The following WDR27 variants were observed in gnomAD, a reference collection of about 807,000 sequenced individuals.
WDR27 encodes the protein WD repeat-containing protein 27.
A neutral mutation model predicts 114.4 loss-of-function variants in WDR27; 100 were observed. The observed-to-expected ratio is 0.87, with a 90% CI of 0.74 to 1.03. The LOEUF (loss-of-function observed/expected upper bound fraction) is 1.03. WDR27 is among the 50% of genes least tolerant of loss of function. The pLI, the probability that WDR27 is intolerant of heterozygous loss-of-function variation, is 0.00. For missense variants in WDR27, 1,129 were observed against 1,092.9 expected, an observed-to-expected ratio of 1.03 and a Z score of -0.47; for synonymous variants, 449 against 423.1, an observed-to-expected ratio of 1.06 and a Z score of -0.75.
In WDR27 at chr6:169,489,963, C is replaced by A. The variant is rs570040008; in HGVS notation, c.2646-32329G>T. 1.5e-4 allele frequency among the ~76,000 whole-genome samples: 23 copies of A among 152,334 alleles called. No homozygotes were observed. In the South Asian group the frequency reaches 4.6e-3, roughly 30 times the overall value. On this transcript the variant is annotated intron_variant, in intron 25 of 25. Transcript: ENST00000448612. ...TCACAAACTACATTCTAAGCAACTTCTCTGCCCTGGGTGTGCAGGGCATTC... is the reference window on the plus strand; with the variant it reads ...TCACAAACTACATTCTAAGCAACTTATCTGCCCTGGGTGTGCAGGGCATTC...
intron 25 of WDR27, among the ~76,000 whole-genome samples, chr6:169,519,911 C>T (rs1794154015): frequency 6.6e-6 from 1 of 151,968 alleles, no homozygotes; most frequent in Non-Finnish European, 1.5e-5. Context: ...GGAAAATCTC[C>T]CCCCAACTCA....
chr6:169,574,744 C>A (rs1801974436), intron 24 of WDR27, among the ~76,000 whole-genome samples: 1 of 152,186 alleles, frequency 6.6e-6, no homozygotes, highest in Non-Finnish European at 1.5e-5. Context: ...AGTGCTCTCA[C>A]CCTCAGTCCC....
chr6:169,604,673 T>C (rs1316585001), intron 22 of WDR27, among the ~76,000 whole-genome samples: 1 of 152,100 alleles, frequency 6.6e-6, no homozygotes, highest in Non-Finnish European at 1.5e-5. Flanking sequence ...CCAAGATCCC[T>C]GATGAACATA....
At chr6:169,629,654 C>T (rs1353834240) in intron 21 of WDR27, among the ~76,000 whole-genome samples, 1 of 152,022 alleles carries the variant, frequency 6.6e-6, no homozygotes, top group Admixed American at 6.6e-5. Flanking sequence ...TGGCCGGGCG[C>T]GGTGGCTCAG....
chr6:169,427,614 G>C, the WDR27 span, among the ~76,000 whole-genome samples: 2 of 152,106 alleles, frequency 1.3e-5, no homozygotes, highest in Non-Finnish European at 2.9e-5. Context: ...TGTGTCTGCA[G>C]AGCAGGAGTT....
chr6:169,496,483 C>G lies in WDR27; in HGVS notation c.2646-38849G>C, dbSNP rs147335422. Among the ~76,000 whole-genome samples the G allele has an allele frequency of 5.9e-4, 89 of 152,074 alleles. No homozygotes were observed. The East Asian group carries it at 0.013, about 22-fold the overall frequency. ...AGCAAGAAAAAGAAATAACAGTCAT[C>G]TAAATAGGAAGGGGAAAAGTACAAT... is the stretch of plus-strand genomic sequence containing the variant. On this transcript the variant is annotated intron_variant, in intron 25 of 25. Transcript: ENST00000448612.
intron 21 of WDR27, among the ~76,000 whole-genome samples, chr6:169,622,025 G>A (rs1352979540): frequency 6.6e-6 from 1 of 152,156 alleles, no homozygotes; most frequent in African/African-American, 2.4e-5. Context: ...TCTATTCAAA[G>A]TCACCCCTCT....
intron 22 of WDR27, among the ~76,000 whole-genome samples, chr6:169,607,714 G>A (rs769333114): frequency 1.4e-4 from 22 of 152,080 alleles, no homozygotes; most frequent in East Asian, 1.2e-3. Flanking sequence ...TTAAAAGCCC[G>A]GACTTCACCA....
At chr6:169,532,129 G>T (rs1399418261) in intron 25 of WDR27, among the ~76,000 whole-genome samples, 1 of 151,950 alleles carries the variant, frequency 6.6e-6, no homozygotes, top group Non-Finnish European at 1.5e-5. Flanking sequence ...TAATACAAGT[G>T]AAAATTTTTG....
At chr6:169,583,502 TATGTATATATACACACACAC>T (rs1803942607) in intron 23 of WDR27, among the ~76,000 whole-genome samples, 1 of 67,424 alleles carries the variant, frequency 1.5e-5, no homozygotes, top group Non-Finnish European at 4.0e-5. Flanking sequence ...TATATATATA[TATGTATATATACACACACAC>T]ACACACACAC....
intron 25 of WDR27, among the ~76,000 whole-genome samples, chr6:169,483,457 C>T (rs1788467256): frequency 1.3e-5 from 2 of 152,206 alleles, no homozygotes; most frequent in South Asian, 4.2e-4. Context: ...ATACATCCTC[C>T]CAAGACTAAA....
chr6:169,432,150 C>T, the WDR27 span, among the ~76,000 whole-genome samples: 1 of 152,130 alleles, frequency 6.6e-6, no homozygotes, highest in East Asian at 1.9e-4. Flanking sequence ...TTCTCAAAAG[C>T]AAAAGAGAAA....
At position 169,658,267 on chromosome 6, in the gene WDR27, T is replaced by A. The variant is rs751866635; in HGVS notation, c.1402+9A>T. The A allele has an allele frequency of 3.8e-6, 6 of 1,592,676 alleles. No homozygotes were observed. The East Asian group carries it at 1.4e-4, about 36-fold the overall frequency. On this transcript the variant is annotated intron_variant, in intron 13 of 25. Transcript: ENST00000448612. ...TGTATTCTTAGATCTCACAGCACCC[T>A]GTACTGACCACGTCGCTGTTCACTA...
At chr6:169,579,200 A>T (rs1002170898) in intron 24 of WDR27, among the ~76,000 whole-genome samples, 1 of 152,194 alleles carries the variant, frequency 6.6e-6, no homozygotes, top group African/African-American at 2.4e-5. Context: ...CATTTTATCA[A>T]GAAAAACTTG....
intron 21 of WDR27, among the ~76,000 whole-genome samples, chr6:169,620,818 G>A (rs113615457): frequency 2.0e-4 from 30 of 151,988 alleles, no homozygotes; most frequent in Admixed American, 5.9e-4. Context: ...CCCCTCCACC[G>A]GCTTCACCAC....
At chr6:169,520,514 A>C (rs1422557686) in intron 25 of WDR27, among the ~76,000 whole-genome samples, 1 of 152,206 alleles carries the variant, frequency 6.6e-6, no homozygotes, top group East Asian at 1.9e-4. Flanking sequence ...AAACAACAGC[A>C]AACAGGGAAC....
At chr6:169,532,893 C>G (rs891664238) in intron 25 of WDR27, among the ~76,000 whole-genome samples, 4 of 151,408 alleles carry the variant, frequency 2.6e-5, no homozygotes, top group African/African-American at 7.3e-5. Context: ...GGGCCTGTAT[C>G]ACTGGGAGGT....
intron 22 of WDR27, among the ~76,000 whole-genome samples, chr6:169,610,340 A>C (rs1011025777): frequency 6.6e-6 from 1 of 152,216 alleles, no homozygotes; most frequent in Non-Finnish European, 1.5e-5. Context: ...TTTACAGAAG[A>C]AAGTGGTTTA....
At chr6:169,574,259 T>G (rs1801900614) in intron 24 of WDR27, among the ~76,000 whole-genome samples, 1 of 152,230 alleles carries the variant, frequency 6.6e-6, no homozygotes, top group South Asian at 2.1e-4. Context: ...TTAGAATAAT[T>G]TTGTAAGTAC....
Sources: allele counts gnomAD v4.1 joint callset (sites outside exome capture counted in the v4.1 genomes callset), GRCh38; gene constraint gnomAD v4.1.1; transcripts MANE v1.5; gene names NCBI Gene and HGNC (gene_info 2026-07-23, HGNC 2026-07-21).